Variants in BCL11B observed in about 807,000 individuals in gnomAD.
The protein encoded by BCL11B is BCL11 transcription factor B, also known as B-cell lymphoma/leukemia 11B.
In BCL11B, 8 loss-of-function variants were observed where a neutral mutation model predicts 49.9. That is an observed-to-expected ratio of 0.16 (90% CI 0.09 to 0.29). BCL11B has a LOEUF of 0.29. BCL11B is among the 10% of genes least tolerant of loss of function. BCL11B has a pLI of 1.00. For synonymous variants in BCL11B, 739 were observed against 637.4 expected (o/e 1.16, Z -2.40); for missense variants, 1,006 against 1,351.0 (o/e 0.74, Z 4.00).
At chr14:99,250,240 T>C (rs1209670781) in intron 2 of BCL11B, among the ~76,000 whole-genome samples, 1 of 151,834 alleles carries the variant, frequency 6.6e-6, no homozygotes, top group Admixed American at 6.6e-5. Flanking sequence ...TTTCACCGTG[T>C]TAGCCAGGAT....
rs1008312680 is a variant in BCL11B, at chr14:99,213,753, G to A, written c.640+17592C>T. Among the ~76,000 whole-genome samples, 1 of 152,156 alleles carries A rather than the reference G, an allele frequency of 6.6e-6. No individual in the cohort carries two copies. Among genetic ancestry groups the A allele is most frequent in the Non-Finnish European group, 1.5e-5 (1 of 68,030 alleles). On this transcript the variant is annotated intron_variant, in intron 3 of 3. Coordinates refer to ENST00000357195, the MANE Select transcript of BCL11B (RefSeq NM_138576.4). This position sits in a 1 kb window ranked among gnomAD's most constrained non-coding sequence, Gnocchi z 5.1. ...AGCGCAGGGACTTGGGGCACATCCT[G>A]TCCCCTCTCTGGGGCACTGCTTGGA...
chr14:99,214,875 C>G (rs535125043), intron 3 of BCL11B, among the ~76,000 whole-genome samples: 1 of 152,198 alleles, frequency 6.6e-6, no homozygotes, highest in African/African-American at 2.4e-5. Flanking sequence ...GAAGTCAGTG[C>G]TGGCTTGAGG....
chr14:99,271,308 C>CGCCGCTGCCGCCGCT lies in BCL11B; in HGVS notation c.-91_-90insAGCGGCGGCAGCGGC. On this transcript the variant is annotated 5_prime_UTR_variant, in exon 1 of 4. Transcript: ENST00000357195. ...GTCCGAGCCGCCGCCGCGCCGCTGC[C>CGCCGCTGCCGCCGCT]GCCGCTGCCGCCGCCGCCGCCGCCG... 4.6e-6 allele frequency: 4 copies of CGCCGCTGCCGCCGCT among 878,430 alleles called. No individual in the cohort carries two copies. The highest frequency in any genetic ancestry group is 5.9e-6 in the Non-Finnish European group (4 of 673,244). 54.4% of individuals were successfully genotyped at this position (878,430 alleles called of 1,614,324 possible). A position where few individuals can be genotyped will look rare whatever the true frequency, so the allele number is the denominator to read the frequency against.
intron 3 of BCL11B, among the ~76,000 whole-genome samples, chr14:99,229,937 G>A (rs1270354576): frequency 6.6e-6 from 1 of 152,138 alleles, no homozygotes; most frequent in Non-Finnish European, 1.5e-5. Flanking sequence ...TGAGCACCTG[G>A]GGACCAGCAC....
At position 99,175,220 on chromosome 14, in the gene BCL11B, T is replaced by C; in HGVS notation, c.1616A>G (p.Glu539Gly). Residue 539 changes from glutamate (E) to glycine (G), a missense_variant, in exon 4 of 4, where the codon GAG (glutamate) becomes GGG (glycine). Glu to Gly is a moderately conservative substitution (Grantham distance 98). This residue lies in a region of BCL11B where 443 missense variants were observed against 499.7 expected (regional missense o/e 0.89). Coordinates refer to ENST00000357195, the MANE Select transcript of BCL11B (RefSeq NM_138576.4). ...EPEEEDEEEE[E>G]EEEELLLENE... ...CTCCAGTAGCAGCTCCTCCTCCTCC[T>C]CCTCCTCCTCCTCGTCCTCCTCCTC... is the stretch of plus-strand genomic sequence containing the variant. The C allele has an allele frequency of 1.3e-6, 2 of 1,550,456 alleles. No homozygotes were observed. Among genetic ancestry groups the C allele is most frequent in the Non-Finnish European group, 1.7e-6 (2 of 1,150,414 alleles).
chr14:99,254,635 G>A (rs1428222353), intron 2 of BCL11B, among the ~76,000 whole-genome samples: 6 of 152,214 alleles, frequency 3.9e-5, no homozygotes, highest in African/African-American at 1.2e-4. Context: ...GCTACTGGCC[G>A]GGGCCAGCGA....
Position 99,175,206 on chromosome 14 carries a change from G to A in BCL11B, c.1630C>T (p.Leu544=). 6.4e-7 allele frequency: 1 copy of A among 1,554,130 alleles called. No homozygotes were observed. The change falls in exon 4 of 4, where the codon CTG becomes TTG. Residue 544 remains leucine (L), a synonymous_variant. Transcript: ENST00000357195. ...GGCCGGCTCTCGTTCTCCAGTAGCA[G>A]CTCCTCCTCCTCCTCCTCCTCCTCC... is the stretch of plus-strand genomic sequence containing the variant. The part of the protein sequence containing the change: ...DEEEEEEEEE[L]LLENESRPES...
At chr14:99,221,007 C>T (rs1030306296) in intron 3 of BCL11B, among the ~76,000 whole-genome samples, 7 of 152,042 alleles carry the variant, frequency 4.6e-5, no homozygotes, top group Non-Finnish European at 7.4e-5. Flanking sequence ...CCCGCCACCA[C>T]GCCCAGCTAC....
intron 3 of BCL11B, among the ~76,000 whole-genome samples, chr14:99,225,892 G>A (rs1479971514): frequency 3.3e-5 from 5 of 151,198 alleles, no homozygotes; most frequent in Non-Finnish European, 7.4e-5. Context: ...TGCCCCAACT[G>A]GGGGGCTTCC....
chr14:99,217,463 G>A (rs1887885881), intron 3 of BCL11B, among the ~76,000 whole-genome samples: 1 of 151,878 alleles, frequency 6.6e-6, no homozygotes, highest in African/African-American at 2.4e-5. Context: ...CCCTGGCAGA[G>A]GCAATGGGAA....
At chr14:99,191,243 G>C (rs1389701092) in intron 3 of BCL11B, among the ~76,000 whole-genome samples, 1 of 152,024 alleles carries the variant, frequency 6.6e-6, no homozygotes, top group East Asian at 1.9e-4. Flanking sequence ...GCATCTAGTG[G>C]GGAGAGGCCA....
At position 99,184,162 on chromosome 14, in the gene BCL11B, A is replaced by T. The variant is rs1886787711; in HGVS notation, c.641-7967T>A. ...TTTTGCACACACCCATGAGCTGCCC[A>T]CTCGCCCTCTCGGTGCCTCCCTTTG... On this transcript the variant is annotated intron_variant, in intron 3 of 3. Transcript: ENST00000357195. The surrounding 1 kb of genome is among the most constrained non-coding windows in gnomAD (Gnocchi z 6.1). 6.8e-6 allele frequency among the ~76,000 whole-genome samples: 1 copy of T among 147,942 alleles called. No individual in the cohort carries two copies. The highest frequency in any genetic ancestry group is 2.5e-5 in the African/African-American group (1 of 40,062).
chr14:99,182,968 ACTTTC>A (rs1886751145), intron 3 of BCL11B, among the ~76,000 whole-genome samples: 4 of 152,150 alleles, frequency 2.6e-5, no homozygotes, highest in African/African-American at 9.7e-5. Flanking sequence ...TCTACATCTG[ACTTTC>A]ATTAATTCAC....
At position 99,248,468 on chromosome 14, in the gene BCL11B, G is replaced by A. The variant is rs887707196; in HGVS notation, c.427+9003C>T. On this transcript the variant is annotated intron_variant, in intron 2 of 3. Transcript: ENST00000357195. The surrounding 1 kb of genome is among the most constrained non-coding windows in gnomAD (Gnocchi z 4.7). ...GGTGGGTCCAGATCTTGCAGGGCCCGAGGTTTATACAATTCAGGGTACACT... is the reference window on the plus strand; with the variant it reads ...GGTGGGTCCAGATCTTGCAGGGCCCAAGGTTTATACAATTCAGGGTACACT... Among the ~76,000 whole-genome samples, 9 of 152,032 alleles carry A rather than the reference G, an allele frequency of 5.9e-5. No individual in the cohort carries two copies. Among genetic ancestry groups the A allele is most frequent in the African/African-American group, 1.4e-4 (6 of 41,384 alleles).
chr14:99,259,125 G>A (rs888256854), intron 1 of BCL11B, among the ~76,000 whole-genome samples: 3 of 152,180 alleles, frequency 2.0e-5, no homozygotes, highest in Non-Finnish European at 2.9e-5. Flanking sequence ...GAGAAGACAC[G>A]AGTGGCGGGG....
intron 1 of BCL11B, among the ~76,000 whole-genome samples, chr14:99,270,031 A>C (rs1374017560): frequency 2.0e-5 from 3 of 151,964 alleles, no homozygotes; most frequent in Non-Finnish European, 2.9e-5. Flanking sequence ...TCCCGGTGCA[A>C]GTGTGCGGGG....
In BCL11B at chr14:99,231,553, C is replaced by T. The variant is rs777432740; in HGVS notation, c.432G>A (p.Pro144=). 24 of 1,570,892 alleles carry T rather than the reference C, an allele frequency of 1.5e-5. No homozygotes were observed. The highest frequency in any genetic ancestry group is 9.5e-5 in the Admixed American group (5 of 52,896). ...ICPKQENIAG[P]CRPAQLPAVA... is the part of the protein sequence containing the mutation. ...CCGCTGGCAGCTGGGCAGGCCTGCA[C>T]GGCCCTGGAGAAAAAACAATAGAAA... The change falls in exon 3 of 4, where the codon CCG becomes CCA. Residue 144 remains proline, a synonymous_variant. Coordinates refer to ENST00000357195, the MANE Select transcript of BCL11B (RefSeq NM_138576.4). This position sits in a 1 kb window ranked among gnomAD's most constrained non-coding sequence, Gnocchi z 8.1.
At chr14:99,214,003 G>A (rs1887760511) in intron 3 of BCL11B, among the ~76,000 whole-genome samples, 1 of 152,132 alleles carries the variant, frequency 6.6e-6, no homozygotes, top group East Asian at 1.9e-4. Context: ...CAGAGGGCAG[G>A]CAGAACCTGG....
At chr14:99,263,626 A>G (rs941519) in intron 1 of BCL11B, among the ~76,000 whole-genome samples, 75,531 of 152,116 alleles carry the variant, frequency 0.5, 19,716 homozygotes, top group East Asian at 0.84. Context: ...GCCTAATTTT[A>G]GGATGCTTAA....
Sources: allele counts gnomAD v4.1 joint callset (sites outside exome capture counted in the v4.1 genomes callset), GRCh38; gene constraint gnomAD v4.1.1; regional missense constraint gnomAD v4.1.1; non-coding constraint Gnocchi (gnomAD v3.1); transcripts MANE v1.5; gene names NCBI Gene and HGNC (gene_info 2026-07-23, HGNC 2026-07-21).